The following BMPR2 variants were observed in gnomAD, a reference collection of about 807,000 sequenced individuals.
BMPR2 encodes the protein bone morphogenetic protein receptor type 2, also known as bone morphogenetic protein receptor type-2.
Under a neutral mutation model 100.8 loss-of-function variants are expected in BMPR2, and 29 were observed. The observed-to-expected ratio is 0.29, with a 90% CI of 0.21 to 0.39. BMPR2 has a LOEUF of 0.39. Ranked by LOEUF, BMPR2 falls within the 10% of genes least tolerant of loss-of-function variation. The pLI is 1.00. For missense variants in BMPR2, 1,011 were observed against 1,274.5 expected, an observed-to-expected ratio of 0.79 and a Z score of 3.15; for synonymous variants, 382 against 442.3, an observed-to-expected ratio of 0.86 and a Z score of 1.71.
chr2:202,395,917 A>G (rs565195404), intron 1 of BMPR2, among the ~76,000 whole-genome samples: 2 of 152,326 alleles, frequency 1.3e-5, no homozygotes, highest in East Asian at 1.9e-4. Context: ...AGCCTGGGCA[A>G]CAAGAGTGAA....
chr2:202,512,426 T>C (rs1285801577), intron 3 of BMPR2, among the ~76,000 whole-genome samples: 2 of 152,230 alleles, frequency 1.3e-5, no homozygotes, highest in Non-Finnish European at 2.9e-5. Context: ...TTATAAGCCA[T>C]GCTTTTCTGT....
rs1221112107 is a variant in BMPR2 at position 202,485,227 on chromosome 2, G to A, written c.418+17538G>A. ...TTTAAGATGTGTTTAGTGATCCTAA[G>A]TATGACTGGTTTTTACCTGAAACTT... On this transcript the variant is annotated intron_variant, in intron 3 of 12. Transcript: ENST00000374580. 2.6e-5 allele frequency among the ~76,000 whole-genome samples: 4 copies of A among 152,158 alleles called. No homozygotes were observed. The South Asian group carries it at 6.2e-4, about 24-fold the overall frequency.
intron 1 of BMPR2, among the ~76,000 whole-genome samples, chr2:202,424,673 G>T (rs1691349418): frequency 6.6e-6 from 1 of 152,076 alleles, no homozygotes. Context: ...TCCAGCCTGG[G>T]CGACAGAGCG....
intron 1 of BMPR2, among the ~76,000 whole-genome samples, chr2:202,447,503 C>A (rs2105944589): frequency 6.6e-6 from 1 of 150,454 alleles, no homozygotes; most frequent in East Asian, 1.9e-4. Flanking sequence ...AGGGCGAGAC[C>A]CCATCTCTAC....
In BMPR2 at chr2:202,562,147, T is replaced by G. The variant is rs1265983751; in HGVS notation, c.*2201T>G. 6.6e-6 allele frequency: 1 copy of G among 152,282 alleles called. No individual in the cohort carries two copies. The highest frequency in any genetic ancestry group is 1.9e-4 in the East Asian group (1 of 5,208). The allele number at this position is 152,282 out of a possible 1,614,324, so 9.4% of individuals were successfully genotyped here. On this transcript the variant is annotated 3_prime_UTR_variant, in exon 13 of 13. Transcript: ENST00000374580. ...TTGAATCAAAATAAATTATGTTCCT[T>G]CTCCAATTTGAAGCATTGAGGATAA...
In BMPR2 at chr2:202,561,925, G is replaced by A. The variant is rs1291383230; in HGVS notation, c.*1979G>A. The A allele has an allele frequency of 6.6e-6, 1 of 151,996 alleles. No homozygotes were observed. The highest frequency in any genetic ancestry group is 1.5e-5 in the Non-Finnish European group (1 of 67,938). 9.4% of individuals were successfully genotyped at this position (151,996 alleles called of 1,614,324 possible). A position where few individuals can be genotyped will look rare whatever the true frequency, so the allele number is the denominator to read the frequency against. On this transcript the variant is annotated 3_prime_UTR_variant, in exon 13 of 13. Coordinates refer to ENST00000374580, the MANE Select transcript of BMPR2 (RefSeq NM_001204.7). ...AGTGCCCAGGATTTCCACGTTTTGT[G>A]TTTTATTGGCCCTTTTCTTTATTCA... is the stretch of plus-strand genomic sequence containing the variant.
chr2:202,395,583 A>G (rs1690641746), intron 1 of BMPR2, among the ~76,000 whole-genome samples: 1 of 152,208 alleles, frequency 6.6e-6, no homozygotes, highest in African/African-American at 2.4e-5. Context: ...GAATGCACAT[A>G]GATAGTAATA....
intron 1 of BMPR2, among the ~76,000 whole-genome samples, chr2:202,400,218 T>G (rs1690742381): frequency 1.3e-5 from 2 of 152,160 alleles, no homozygotes; most frequent in Admixed American, 1.3e-4. Context: ...CATAGTTCAC[T>G]GCAACCTTTA....
chr2:202,488,539 G>A (rs1692828220), intron 3 of BMPR2, among the ~76,000 whole-genome samples: 1 of 151,782 alleles, frequency 6.6e-6, no homozygotes, highest in South Asian at 2.1e-4. Flanking sequence ...GCTCACAGCA[G>A]CCTCAAACTC....
intron 1 of BMPR2, among the ~76,000 whole-genome samples, chr2:202,445,568 G>A (rs1691833180): frequency 6.7e-6 from 1 of 149,630 alleles, no homozygotes; most frequent in African/African-American, 2.5e-5. Context: ...ATTCTCTGTA[G>A]TAGTTTTATT....
intron 1 of BMPR2, among the ~76,000 whole-genome samples, chr2:202,452,720 T>C (rs1692013607): frequency 6.6e-6 from 1 of 152,252 alleles, no homozygotes; most frequent in Non-Finnish European, 1.5e-5. Context: ...ATGCCAAGTA[T>C]AATGCCATGT....
At chr2:202,474,551 C>T (rs905311372) in intron 3 of BMPR2, among the ~76,000 whole-genome samples, 3 of 152,076 alleles carry the variant, frequency 2.0e-5, no homozygotes, top group East Asian at 1.9e-4. Flanking sequence ...GGCGGAGTCT[C>T]GCTCTGTCGC....
intron 3 of BMPR2, among the ~76,000 whole-genome samples, chr2:202,475,934 C>T (rs376610812): frequency 2.6e-5 from 4 of 151,816 alleles, no homozygotes; most frequent in African/African-American, 7.3e-5. Flanking sequence ...ATTAGCCGGG[C>T]GTGGTGGCAC....
intron 1 of BMPR2, among the ~76,000 whole-genome samples, chr2:202,412,383 A>G (rs961649273): frequency 1.3e-5 from 2 of 152,188 alleles, no homozygotes; most frequent in African/African-American, 4.8e-5. Flanking sequence ...CAGTGGCGCA[A>G]TCTCGGCTCA....
chr2:202,517,092 C>T (rs191096682), intron 5 of BMPR2, among the ~76,000 whole-genome samples: 116 of 151,820 alleles, frequency 7.6e-4, no homozygotes, highest in African/African-American at 2.4e-3. Context: ...TCATGGCACG[C>T]GCCTGTAATC....
chr2:202,538,730 G>C (rs1688210858), intron 9 of BMPR2, among the ~76,000 whole-genome samples: 1 of 150,472 alleles, frequency 6.6e-6, no homozygotes, highest in Non-Finnish European at 1.5e-5. Flanking sequence ...GGACGCAGAG[G>C]TTGCAGTGAG....
chr2:202,384,495 G>A (rs1026346133), intron 1 of BMPR2, among the ~76,000 whole-genome samples: 4 of 147,006 alleles, frequency 2.7e-5, no homozygotes, highest in African/African-American at 1.0e-4. Flanking sequence ...TGCAAATGGA[G>A]GTTGAGAAAT....
At position 202,556,310 on chromosome 2, in the gene BMPR2, G is replaced by T. The variant is rs777302843; in HGVS notation, c.2645G>T (p.Gly882Val). Residue 882 changes from glycine (G) to valine (V), a missense_variant, in exon 12 of 13, where the codon GGT (glycine) becomes GTT (valine). Gly to Val is a moderately radical substitution (Grantham distance 109). This residue lies in a region of BMPR2 where 508 missense variants were observed against 552.0 expected (regional missense o/e 0.92). Transcript: ENST00000374580. ...GAGCAACAAGCTGGCCATGATGAAG[G>T]TGTTCTGGATCGTCTTGTGGACAGG... The part of the protein sequence containing the change: ...RREQQAGHDE[G>V]VLDRLVDRRE... 3.1e-6 allele frequency: 5 copies of T among 1,614,228 alleles called. No homozygotes were observed. The East Asian group carries it at 1.1e-4, about 36-fold the overall frequency.
At chr2:202,392,163 C>T (rs938217750) in intron 1 of BMPR2, among the ~76,000 whole-genome samples, 1 of 151,896 alleles carries the variant, frequency 6.6e-6, no homozygotes, top group African/African-American at 2.4e-5. Context: ...CTCCGCCTGC[C>T]GGGTTCAAAC....
Sources: allele counts gnomAD v4.1 joint callset (sites outside exome capture counted in the v4.1 genomes callset), GRCh38; gene constraint gnomAD v4.1.1; regional missense constraint gnomAD v4.1.1; transcripts MANE v1.5; gene names NCBI Gene and HGNC (gene_info 2026-07-23, HGNC 2026-07-21).